Variants in TSGA10 observed in about 807,000 individuals in gnomAD.
TSGA10 encodes the protein testis specific 10.
In TSGA10, 43 loss-of-function variants were observed where a neutral mutation model predicts 96.6. The ratio of observed to expected loss-of-function variants is 0.44; its 90% CI spans 0.35 to 0.57. The LOEUF is 0.57. Ranked by LOEUF, TSGA10 falls within the 20% of genes least tolerant of loss-of-function variation. TSGA10 has a pLI of 0.01. For synonymous variants in TSGA10, 229 were observed against 269.9 expected (o/e 0.85, Z 1.48); for missense variants, 703 against 834.4 (o/e 0.84, Z 1.94).
chr2:99,043,377 A>G (rs2082400169), intron 16 of TSGA10, among the ~76,000 whole-genome samples: 1 of 152,086 alleles, frequency 6.6e-6, no homozygotes, highest in African/African-American at 2.4e-5. Context: ...AAATGAACAA[A>G]CCTCCGAAAA....
chr2:99,006,050 C>T (rs903896449), intron 20 of TSGA10, among the ~76,000 whole-genome samples: 16 of 152,140 alleles, frequency 1.1e-4, no homozygotes, highest in Non-Finnish European at 1.5e-5. Context: ...GGAAAGGATT[C>T]CCTATTTAAT....
chr2:99,040,531 A>C (rs2082088196), intron 16 of TSGA10, among the ~76,000 whole-genome samples: 1 of 152,164 alleles, frequency 6.6e-6, no homozygotes, highest in African/African-American at 2.4e-5. Flanking sequence ...AAAAAACAAA[A>C]AAACACAACT....
At chr2:99,135,780 G>A (rs186741680) in intron 1 of TSGA10, among the ~76,000 whole-genome samples, 6 of 152,106 alleles carry the variant, frequency 3.9e-5, no homozygotes, top group Non-Finnish European at 5.9e-5. Context: ...AGGCTGAGGC[G>A]GGCGGATCAC....
At chr2:99,069,399 A>G (rs1288092455) in intron 14 of TSGA10, among the ~76,000 whole-genome samples, 1 of 152,168 alleles carries the variant, frequency 6.6e-6, no homozygotes, top group Non-Finnish European at 1.5e-5. Flanking sequence ...GTGATGTATC[A>G]AGAGACAATT....
chr2:98,998,293 T>C, intron 20 of TSGA10, 72 bp from the exon 21 acceptor site: 1 of 1,253,202 alleles, frequency 8.0e-7, no homozygotes, highest in Non-Finnish European at 1.1e-6. Context: ...AAATTTATTC[T>C]AGTAAGTGTA....
intron 4 of TSGA10, among the ~76,000 whole-genome samples, chr2:99,112,719 A>T (rs541630050): frequency 1.3e-5 from 2 of 151,636 alleles, no homozygotes; most frequent in South Asian, 4.2e-4. Flanking sequence ...ACAGTGAGGG[A>T]AGGGGAAAGG....
At chr2:99,134,358 A>T (rs1574657568) in intron 1 of TSGA10, among the ~76,000 whole-genome samples, 1 of 151,962 alleles carries the variant, frequency 6.6e-6, no homozygotes, top group East Asian at 1.9e-4. Flanking sequence ...CCTTTCTTCC[A>T]CTTGATTGAT....
intron 10 of TSGA10, among the ~76,000 whole-genome samples, chr2:99,086,674 G>C (rs2088439584): frequency 6.6e-6 from 1 of 152,048 alleles, no homozygotes; most frequent in Admixed American, 6.6e-5. Flanking sequence ...CCAAAACCAG[G>C]AACAAAACAA....
rs181116050 is a variant in TSGA10, at chr2:99,052,308, G to C, written c.1404+12631C>G. 6.6e-5 allele frequency among the ~76,000 whole-genome samples: 10 copies of C among 151,968 alleles called. No individual in the cohort carries two copies. In the East Asian group the frequency reaches 1.7e-3, roughly 26 times the overall value. ...GAAGAGACACAACAAGAAATACAAA[G>C]AATCATAAGTGACTACTGTGAACAA... On this transcript the variant is annotated intron_variant, in intron 16 of 20. Coordinates refer to ENST00000393483, the MANE Select transcript of TSGA10 (RefSeq NM_025244.4).
At chr2:99,016,562 A>T (rs2079529192) in intron 20 of TSGA10, among the ~76,000 whole-genome samples, 1 of 152,238 alleles carries the variant, frequency 6.6e-6, no homozygotes, top group Non-Finnish European at 1.5e-5. Flanking sequence ...CATTGGTAAA[A>T]GTCTTCTGAA....
chr2:99,065,247 A>G, intron 15 of TSGA10, 123 bp from the exon 16 acceptor site: 1 of 1,028,448 alleles, frequency 9.7e-7, no homozygotes, highest in Non-Finnish European at 1.4e-6. Flanking sequence ...ACCCTGAGGA[A>G]ATATATCTAT....
At chr2:99,109,582 C>T (rs2104845706) in intron 5 of TSGA10, 70 bp from the exon 6 acceptor site, 1 of 1,288,418 alleles carries the variant, frequency 7.8e-7, no homozygotes, top group Non-Finnish European at 1.0e-6. Flanking sequence ...AAAATTAGAC[C>T]ATTATTTCAA....
chr2:99,150,897 G>C (rs1176326017), intron 1 of TSGA10: 11 of 1,089,382 alleles, frequency 1.0e-5, no homozygotes, highest in Admixed American at 9.5e-5. Context: ...GGTGTTGAAA[G>C]AGAACTTAAC....
intron 10 of TSGA10, chr2:99,102,323 T>C: frequency 2.5e-6 from 4 of 1,611,872 alleles, no homozygotes; most frequent in Non-Finnish European, 3.4e-6. Context: ...AAGGGAGTGG[T>C]GAGAGTGAGA....
chr2:99,000,432 C>T (rs2077791238), intron 20 of TSGA10, among the ~76,000 whole-genome samples: 1 of 151,338 alleles, frequency 6.6e-6, no homozygotes, highest in South Asian at 2.1e-4. Context: ...ATCACTTGAA[C>T]CTGGGAGGTG....
At chr2:99,150,478 TTC>T in intron 1 of TSGA10, 1 of 1,484,358 alleles carries the variant, frequency 6.7e-7, no homozygotes, top group Non-Finnish European at 9.1e-7. Flanking sequence ...TTTTTTTTTT[TTC>T]AGTAATCAAG....
chr2:99,071,642 C>A (rs1249917697), intron 14 of TSGA10, 64 bp downstream of exon 14: 2 of 1,492,994 alleles, frequency 1.3e-6, no homozygotes, highest in East Asian at 2.3e-5. Context: ...AAAATGAGGG[C>A]TGTTCCTCAC....
intron 17 of TSGA10, among the ~76,000 whole-genome samples, chr2:99,024,708 C>A (rs2080399557): frequency 6.6e-6 from 1 of 152,126 alleles, no homozygotes; most frequent in Admixed American, 6.6e-5. Context: ...GCAAGGTGGG[C>A]ATTCTTGTCT....
At chr2:99,089,234 G>A (rs374729687) in intron 10 of TSGA10, among the ~76,000 whole-genome samples, 7 of 152,186 alleles carry the variant, frequency 4.6e-5, no homozygotes, top group East Asian at 1.9e-4. Context: ...AGTAAGCAGC[G>A]GGAAGAGCCC....
Sources: allele counts gnomAD v4.1 joint callset (sites outside exome capture counted in the v4.1 genomes callset), GRCh38; gene constraint gnomAD v4.1.1; transcripts MANE v1.5; gene names NCBI Gene and HGNC (gene_info 2026-07-23, HGNC 2026-07-21).